The following WNT3A variants were observed in gnomAD, a reference collection of about 807,000 sequenced individuals.
WNT3A encodes Wnt family member 3A, also known as protein Wnt-3a.
Under a neutral mutation model 37.0 loss-of-function variants are expected in WNT3A, and 17 were observed. The observed-to-expected ratio is 0.46, with a 90% confidence interval of 0.31 to 0.69. The LOEUF (loss-of-function observed/expected upper bound fraction) is 0.69, where lower values mean the gene tolerates loss of function less well. Among genes scored for constraint, WNT3A ranks in the 30% least tolerant of loss-of-function variants. The pLI, the probability that WNT3A is intolerant of heterozygous loss-of-function variation, is 0.05. For synonymous variants in WNT3A, 187 were observed against 211.0 expected, an observed-to-expected ratio of 0.89 and a Z score of 0.99; for missense variants, 411 against 510.2, an observed-to-expected ratio of 0.81 and a Z score of 1.87.
chr1:228,028,303 T>TG (rs1016771029), intron 2 of WNT3A, among the ~76,000 whole-genome samples: 1 of 149,204 alleles, frequency 6.7e-6, no homozygotes, highest in Admixed American at 6.7e-5. Context: ...TTTTTTTTTT[T>TG]TTTTTTTTTT....
At chr1:228,041,013 A>ATATCTATC (rs6143658) in intron 2 of WNT3A, among the ~76,000 whole-genome samples, 12,968 of 140,710 alleles carry the variant, frequency 0.092, 637 homozygotes, top group East Asian at 0.12. Flanking sequence ...CTACATATCT[A>ATATCTATC]TATCTATCTA....
chr1:228,043,572 C>A (rs536383279), intron 2 of WNT3A, among the ~76,000 whole-genome samples: 1 of 152,324 alleles, frequency 6.6e-6, no homozygotes, highest in African/African-American at 2.4e-5. Context: ...AAAGCAGAAA[C>A]CCCTGACAAA....
At chr1:228,011,938 C>G (rs1432194563) in intron 1 of WNT3A, among the ~76,000 whole-genome samples, 1 of 152,264 alleles carries the variant, frequency 6.6e-6, no homozygotes, top group Non-Finnish European at 1.5e-5. Flanking sequence ...CAGGGACGCA[C>G]AGCACCCTTC....
rs2030289353 is a variant in WNT3A, at chr1:228,008,965, G to GCT, written c.71+1766_71+1767insCT. 6.6e-6 allele frequency among the ~76,000 whole-genome samples: 1 copy of GCT among 152,134 alleles called. No homozygotes were observed. Among genetic ancestry groups the GCT allele is most frequent in the East Asian group, 1.9e-4 (1 of 5,184 alleles). On this transcript the variant is annotated intron_variant, in intron 1 of 3. Transcript: ENST00000284523. The surrounding 1 kb of genome is among the most constrained non-coding windows in gnomAD (Gnocchi z 4.9). Reference sequence around the variant, plus strand: ...CGGGGACAGTCAGGCATTCTGCAGGGGAGCCAGGAGGAGCAGAGAAGTGAA... The same window carrying GCT: ...CGGGGACAGTCAGGCATTCTGCAGGGCTGAGCCAGGAGGAGCAGAGAAGTGAA...
At chr1:228,044,155 T>G (rs1206707630) in intron 2 of WNT3A, among the ~76,000 whole-genome samples, 1 of 151,906 alleles carries the variant, frequency 6.6e-6, no homozygotes, top group Non-Finnish European at 1.5e-5. Flanking sequence ...CTCATTTATG[T>G]TTGTTTGTTT....
intron 3 of WNT3A, among the ~76,000 whole-genome samples, chr1:228,054,811 A>G (rs1044095099): frequency 6.6e-6 from 1 of 151,576 alleles, no homozygotes; most frequent in Admixed American, 6.6e-5. Flanking sequence ...TTAGGTTCAC[A>G]AAGCTAAAAC....
intron 1 of WNT3A, among the ~76,000 whole-genome samples, chr1:228,018,287 T>C (rs1396030126): frequency 1.3e-5 from 2 of 152,198 alleles, no homozygotes; most frequent in Non-Finnish European, 2.9e-5. Context: ...AGGAGGAAGT[T>C]ACAGGTCATA....
intron 2 of WNT3A, 71 bp downstream of exon 2, chr1:228,022,979 A>G: frequency 1.3e-6 from 2 of 1,540,780 alleles, no homozygotes; most frequent in Non-Finnish European, 1.8e-6. Context: ...GCGCTGCCTG[A>G]CATTCTCATC....
chr1:228,010,896 C>T (rs1243732952), intron 1 of WNT3A, among the ~76,000 whole-genome samples: 1 of 152,218 alleles, frequency 6.6e-6, no homozygotes, highest in East Asian at 1.9e-4. Context: ...CCCTTTCAGG[C>T]CCCCACTCTC....
intron 2 of WNT3A, among the ~76,000 whole-genome samples, chr1:228,049,989 G>C (rs1483456907): frequency 6.6e-6 from 1 of 151,624 alleles, no homozygotes; most frequent in African/African-American, 2.4e-5. Flanking sequence ...ACATTGCCAA[G>C]GCTGGTCTCA....
rs1484378284 is a variant in WNT3A, at chr1:228,050,766, C to A, written c.424C>A (p.His142Asn). ...CGCCATCTGTGGCTGCAGCAGCCGCCACCAGGGCTCACCAGGCAAGGGCTG... is the reference window on the plus strand; with the variant it reads ...CGCCATCTGTGGCTGCAGCAGCCGCAACCAGGGCTCACCAGGCAAGGGCTG... ...TAAICGCSSR[H>N]QGSPGKGWKW... Residue 142 changes from histidine (H) to asparagine (N), a missense_variant, in exon 3 of 4, where the codon CAC becomes AAC. By Grantham distance (68) the His-to-Asn change is moderately conservative. Transcript: ENST00000284523. This position sits in a 1 kb window ranked among gnomAD's most constrained non-coding sequence, Gnocchi z 5.0. 1 of 1,614,134 alleles carries A rather than the reference C, an allele frequency of 6.2e-7. No individual in the cohort carries two copies. Among genetic ancestry groups the A allele is most frequent in the Non-Finnish European group, 8.5e-7 (1 of 1,180,026 alleles).
intron 2 of WNT3A, among the ~76,000 whole-genome samples, chr1:228,047,255 G>A (rs1381951580): frequency 6.6e-6 from 1 of 152,150 alleles, no homozygotes; most frequent in Non-Finnish European, 1.5e-5. Flanking sequence ...GGGGCTGCTG[G>A]GACCCGCCAT....
In WNT3A at chr1:228,059,770, G is replaced by T; in HGVS notation, c.*305G>T. 8.4e-7 allele frequency: 1 copy of T among 1,186,294 alleles called. No individual in the cohort carries two copies. The allele number at this position is 1,186,294 out of a possible 1,614,324, so 73.5% of individuals were successfully genotyped here. ...TCCCCTGGACAGAGGCGGGGCTACA[G>T]ATTGGGCGGGGCTTCTCTTGGGTGG... On this transcript the variant is annotated 3_prime_UTR_variant, in exon 4 of 4. Coordinates refer to ENST00000284523, the MANE Select transcript of WNT3A (RefSeq NM_033131.4).
At chr1:228,046,985 G>T (rs2031434992) in intron 2 of WNT3A, among the ~76,000 whole-genome samples, 1 of 152,140 alleles carries the variant, frequency 6.6e-6, no homozygotes, top group Non-Finnish European at 1.5e-5. Flanking sequence ...GCCTCTTCAT[G>T]GCGAGGTGGG....
At chr1:228,048,582 T>A (rs1316834024) in intron 2 of WNT3A, among the ~76,000 whole-genome samples, 1 of 152,214 alleles carries the variant, frequency 6.6e-6, no homozygotes, top group East Asian at 1.9e-4. Context: ...TTTGTTTTTT[T>A]GAGACAGGTT....
intron 1 of WNT3A, among the ~76,000 whole-genome samples, chr1:228,014,163 C>T (rs188251979): frequency 6.6e-6 from 1 of 152,322 alleles, no homozygotes; most frequent in East Asian, 1.9e-4. Flanking sequence ...TCCAGCAGGG[C>T]AGCAGGGCCT....
chr1:228,045,235 A>G (rs74143625), intron 2 of WNT3A, among the ~76,000 whole-genome samples: 181 of 152,356 alleles, frequency 1.2e-3, no homozygotes, highest in African/African-American at 4.2e-3. Context: ...TCCTCTTACC[A>G]GAAGCTCAGG....
chr1:228,060,291 G>T lies in WNT3A; in HGVS notation c.*826G>T, dbSNP rs753943147. 1 of 1,351,524 alleles carries T rather than the reference G, an allele frequency of 7.4e-7. No individual in the cohort carries two copies. The highest frequency in any genetic ancestry group is 4.6e-5 in the East Asian group (1 of 21,962). The allele number at this position is 1,351,524 out of a possible 1,614,324, so 83.7% of individuals were successfully genotyped here. A position where few individuals can be genotyped will look rare whatever the true frequency, so the allele number is the denominator to read the frequency against. On this transcript the variant is annotated 3_prime_UTR_variant, in exon 4 of 4. Coordinates refer to ENST00000284523, the MANE Select transcript of WNT3A (RefSeq NM_033131.4). The stretch of plus-strand genomic sequence containing the variant: ...TTCCATCCACCCCTGCGTCGAGCTG[G>T]GAAGGTTCCATGAAGCGAGTCGGGT...
At chr1:228,020,442 A>G (rs1297432545) in intron 1 of WNT3A, among the ~76,000 whole-genome samples, 1 of 152,236 alleles carries the variant, frequency 6.6e-6, no homozygotes, top group Non-Finnish European at 1.5e-5. Context: ...TCCAGGTCAC[A>G]GACAGCTGAC....
Sources: gnomAD v4.1 joint callset for allele counts (sites outside exome capture counted in the v4.1 genomes callset) on GRCh38, gnomAD v4.1.1 for gene constraint, Gnocchi (gnomAD v3.1) non-coding constraint, MANE v1.5 for transcripts, NCBI Gene and HGNC (gene_info 2026-07-23, HGNC 2026-07-21) for gene names.